Variants in NEGR1 observed in about 807,000 individuals in gnomAD.
NEGR1 encodes the protein neuronal growth regulator 1.
A neutral mutation model predicts 40.9 loss-of-function variants in NEGR1; 10 were observed. That is an observed-to-expected ratio of 0.24 (90% CI 0.15 to 0.42). The LOEUF (loss-of-function observed/expected upper bound fraction) is 0.42. NEGR1 is among the 10% of genes least tolerant of loss of function. NEGR1 has a pLI of 1.00. For missense variants in NEGR1, 352 were observed against 438.9 expected, an observed-to-expected ratio of 0.80 and a Z score of 1.77; for synonymous variants, 185 against 166.8, an observed-to-expected ratio of 1.11 and a Z score of -0.84.
chr1:71,974,630 G>A (rs1460862061), intron 1 of NEGR1, among the ~76,000 whole-genome samples: 1 of 152,086 alleles, frequency 6.6e-6, no homozygotes, highest in Admixed American at 6.5e-5. Flanking sequence ...TTAAGGGCAA[G>A]ATATTTCTGA....
At chr1:72,113,514 A>T (rs1455179566) in intron 1 of NEGR1, among the ~76,000 whole-genome samples, 1 of 151,374 alleles carries the variant, frequency 6.6e-6, no homozygotes, top group Non-Finnish European at 1.5e-5. Flanking sequence ...ATGTTTAGAA[A>T]TATGTGTTTG....
intron 1 of NEGR1, among the ~76,000 whole-genome samples, chr1:71,987,483 T>C (rs1006659758): frequency 6.6e-6 from 1 of 152,140 alleles, no homozygotes; most frequent in Non-Finnish European, 1.5e-5. Flanking sequence ...GACCAAATAG[T>C]ACACTGCTGA....
Position 71,401,966 on chromosome 1 carries a change from A to T in NEGR1, c.*5480T>A, listed in dbSNP as rs1646249257. On this transcript the variant is annotated 3_prime_UTR_variant, in exon 7 of 7. Transcript: ENST00000357731. ...ATACCCTCTGCAGGTATTGGAAAAT[A>T]CAAGGATGTCATAAATATCTATATT... 1.3e-5 allele frequency: 2 copies of T among 152,218 alleles called. No homozygotes were observed. The highest frequency in any genetic ancestry group is 2.1e-4 in the South Asian group (1 of 4,826). 9.4% of individuals were successfully genotyped at this position (152,218 alleles called of 1,614,324 possible).
chr1:72,077,271 G>A (rs1186242289), intron 1 of NEGR1, among the ~76,000 whole-genome samples: 1 of 152,010 alleles, frequency 6.6e-6, no homozygotes, highest in Non-Finnish European at 1.5e-5. Context: ...ACAATGGGAT[G>A]TCATCAATGT....
intron 4 of NEGR1, among the ~76,000 whole-genome samples, chr1:71,626,485 G>C (rs1650784359): frequency 6.6e-6 from 1 of 151,296 alleles, no homozygotes; most frequent in Non-Finnish European, 1.5e-5. Context: ...CCTTGCAGTA[G>C]TTTGCTGAGA....
At chr1:71,849,068 G>C (rs569582870) in intron 2 of NEGR1, among the ~76,000 whole-genome samples, 12 of 150,738 alleles carry the variant, frequency 8.0e-5, no homozygotes, top group South Asian at 2.1e-4. Flanking sequence ...CAGTGTGGGT[G>C]ACAGAGCAAG....
At chr1:71,431,499 A>G (rs1190332857) in intron 6 of NEGR1, among the ~76,000 whole-genome samples, 1 of 151,838 alleles carries the variant, frequency 6.6e-6, no homozygotes, top group Non-Finnish European at 1.5e-5. Flanking sequence ...TGAAGGAAAG[A>G]GGATCAATAT....
At chr1:71,627,285 G>A (rs1298748903) in intron 4 of NEGR1, among the ~76,000 whole-genome samples, 4 of 152,122 alleles carry the variant, frequency 2.6e-5, no homozygotes, top group African/African-American at 7.2e-5. Context: ...AGAAAATGTG[G>A]CACATATACA....
chr1:71,532,280 C>G (rs866013806), intron 6 of NEGR1, among the ~76,000 whole-genome samples: 1 of 151,522 alleles, frequency 6.6e-6, no homozygotes, highest in Non-Finnish European at 1.5e-5. Flanking sequence ...TAAAAACACA[C>G]TTAACAGCAA....
intron 1 of NEGR1, among the ~76,000 whole-genome samples, chr1:72,033,842 C>T (rs1459005845): frequency 6.6e-6 from 1 of 152,110 alleles, no homozygotes; most frequent in Non-Finnish European, 1.5e-5. Context: ...CAATGCATTT[C>T]AGGGGGATTA....
intron 4 of NEGR1, among the ~76,000 whole-genome samples, chr1:71,690,599 C>CACAT (rs1491429462): frequency 2.2e-4 from 23 of 102,978 alleles, no homozygotes; most frequent in South Asian, 1.4e-3. Context: ...CACACACACA[C>CACAT]ATATATATAT....
chr1:72,091,130 C>A (rs76349038), intron 1 of NEGR1, among the ~76,000 whole-genome samples: 1 of 152,058 alleles, frequency 6.6e-6, no homozygotes, highest in Non-Finnish European at 1.5e-5. Flanking sequence ...GACATTTAGA[C>A]TCATTTTACT....
At chr1:71,838,855 C>A (rs1247934660) in intron 2 of NEGR1, among the ~76,000 whole-genome samples, 2 of 151,824 alleles carry the variant, frequency 1.3e-5, no homozygotes, top group Admixed American at 6.6e-5. Flanking sequence ...AAAACAGATC[C>A]AATAAAAGTT....
At chr1:71,569,491 T>C (rs1557570692) in intron 6 of NEGR1, among the ~76,000 whole-genome samples, 1 of 152,176 alleles carries the variant, frequency 6.6e-6, no homozygotes, top group African/African-American at 2.4e-5. Flanking sequence ...AATAAATCCA[T>C]TATTGTTGTT....
intron 2 of NEGR1, among the ~76,000 whole-genome samples, chr1:71,915,812 A>G (rs1661560445): frequency 6.6e-6 from 1 of 152,220 alleles, no homozygotes; most frequent in South Asian, 2.1e-4. Context: ...TTAAGAGATC[A>G]TATATTGAGA....
intron 2 of NEGR1, among the ~76,000 whole-genome samples, chr1:71,777,540 A>G (rs1335652560): frequency 6.6e-6 from 1 of 152,148 alleles, no homozygotes; most frequent in African/African-American, 2.4e-5. Flanking sequence ...TTACTATTAC[A>G]GCACAAATAT....
chr1:71,814,120 T>G (rs1658109229), intron 2 of NEGR1, among the ~76,000 whole-genome samples: 1 of 152,134 alleles, frequency 6.6e-6, no homozygotes, highest in African/African-American at 2.4e-5. Flanking sequence ...CCTAGATTAT[T>G]GAGAGTTTTT....
chr1:72,143,897 A>T (rs976453702), intron 1 of NEGR1, among the ~76,000 whole-genome samples: 2 of 77,830 alleles, frequency 2.6e-5, no homozygotes, highest in Non-Finnish European at 2.5e-5. Flanking sequence ...TATATATATT[A>T]TATATATGAT....
At chr1:71,730,032 C>G (rs17091690) in intron 3 of NEGR1, among the ~76,000 whole-genome samples, 2,979 of 151,636 alleles carry the variant, frequency 0.02, 82 homozygotes, top group African/African-American at 0.068. Flanking sequence ...ACTGTTAAAC[C>G]TGGTCATTGA....
Sources: allele counts gnomAD v4.1 joint callset (sites outside exome capture counted in the v4.1 genomes callset), GRCh38; gene constraint gnomAD v4.1.1; transcripts MANE v1.5; gene names NCBI Gene and HGNC (gene_info 2026-07-23, HGNC 2026-07-21).